The following MGLL variants were observed in gnomAD, a reference collection of about 807,000 sequenced individuals.
The protein encoded by MGLL is lysophospholipase homolog.
MGLL carries 7 observed loss-of-function variants against 29.1 expected under a neutral mutation model. The ratio of observed to expected loss-of-function variants is 0.24; its 90% CI spans 0.14 to 0.45. MGLL has a LOEUF of 0.45. Among genes scored for constraint, MGLL ranks in the 20% least tolerant of loss-of-function variants. MGLL has a pLI of 0.99. For missense variants in MGLL, 356 were observed against 413.6 expected (o/e 0.86, Z 1.21); for synonymous variants, 148 against 168.3 (o/e 0.88, Z 0.93).
At chr3:127,789,646 C>T (rs1379826875) in intron 2 of MGLL, among the ~76,000 whole-genome samples, 1 of 151,730 alleles carries the variant, frequency 6.6e-6, no homozygotes, top group Admixed American at 6.6e-5. Context: ...TACAGTGAGT[C>T]ATGATCACGC....
chr3:127,702,768 C>G (rs1267016875), intron 6 of MGLL, among the ~76,000 whole-genome samples: 1 of 152,208 alleles, frequency 6.6e-6, no homozygotes, highest in Non-Finnish European at 1.5e-5. Context: ...GATCTTGGCT[C>G]ACTGCAACCT....
At chr3:127,810,199 G>A (rs1021092077) in intron 2 of MGLL, among the ~76,000 whole-genome samples, 1 of 152,202 alleles carries the variant, frequency 6.6e-6, no homozygotes, top group African/African-American at 2.4e-5. Flanking sequence ...GGCTTCAGGA[G>A]AAATCAACCC....
At chr3:127,723,355 G>A (rs773156350) in intron 3 of MGLL, among the ~76,000 whole-genome samples, 8 of 152,248 alleles carry the variant, frequency 5.3e-5, no homozygotes, top group Non-Finnish European at 1.0e-4. Context: ...CAGCCAGAGG[G>A]GCTGCCCAGA....
At chr3:127,715,840 G>A (rs1283968546) in intron 5 of MGLL, 3 of 456,482 alleles carry the variant, frequency 6.6e-6, no homozygotes, top group Middle Eastern at 3.3e-4. Context: ...AGCCTCAGAG[G>A]GGAGTTGCTC....
chr3:127,758,520 A>C (rs2076703387), intron 3 of MGLL, among the ~76,000 whole-genome samples: 1 of 152,220 alleles, frequency 6.6e-6, no homozygotes, highest in Non-Finnish European at 1.5e-5. Flanking sequence ...GAAGTTTTTC[A>C]AGCTAGACAG....
At chr3:127,779,345 C>T (rs913184725) in intron 3 of MGLL, among the ~76,000 whole-genome samples, 3 of 151,742 alleles carry the variant, frequency 2.0e-5, no homozygotes, top group African/African-American at 4.8e-5. Flanking sequence ...CCAGCCTGGG[C>T]GACAGAGCAA....
rs777335310 is a variant in MGLL at position 127,694,990 on chromosome 3, C to T, written c.801G>A (p.Gln267=). ...AYLLMELAKS[Q]DKTLKIYEGA... is the part of the protein sequence containing the mutation. ...AGCCGCTCACCTTGAGAGTCTTGTC[C>T]TGGCTCTTGGCTAACTCCATGAGCA... Residue 267 remains glutamine (Q), a synonymous_variant, in exon 7 of 8, where the codon CAG becomes CAA. Transcript: ENST00000265052. 4.3e-6 allele frequency: 7 copies of T among 1,613,776 alleles called. No individual in the cohort carries two copies. Among genetic ancestry groups the T allele is most frequent in the Middle Eastern group, 3.3e-4 (2 of 6,074 alleles).
intron 3 of MGLL, among the ~76,000 whole-genome samples, chr3:127,770,844 G>T (rs1014458358): frequency 6.6e-6 from 1 of 152,082 alleles, no homozygotes; most frequent in Admixed American, 6.6e-5. Context: ...GAGTGCCAAG[G>T]GTCACAGGCT....
intron 6 of MGLL, among the ~76,000 whole-genome samples, chr3:127,696,404 T>C (rs1379425002): frequency 1.6e-5 from 1 of 60,816 alleles, no homozygotes; most frequent in African/African-American, 1.7e-4. Flanking sequence ...TTCTTTTTTT[T>C]TTTTTTTTTT....
chr3:127,802,994 T>G (rs1009150019), intron 2 of MGLL, among the ~76,000 whole-genome samples: 9 of 152,092 alleles, frequency 5.9e-5, no homozygotes, highest in Admixed American at 4.6e-4. Context: ...CTCTTTTTTT[T>G]TTTTAGACAG....
intron 3 of MGLL, among the ~76,000 whole-genome samples, chr3:127,775,584 G>C (rs982466178): frequency 4.0e-5 from 6 of 151,848 alleles, no homozygotes; most frequent in African/African-American, 1.5e-4. Flanking sequence ...CCCCAGCTGA[G>C]TTAAAAAAAA....
chr3:127,747,994 T>C (rs1382198826), intron 3 of MGLL, among the ~76,000 whole-genome samples: 1 of 152,102 alleles, frequency 6.6e-6, no homozygotes, highest in Non-Finnish European at 1.5e-5. Context: ...TGCTCTCTCT[T>C]CCCAAGTCCA....
At position 127,698,878 on chromosome 3, in the gene MGLL, C is replaced by T. The variant is rs1014094032; in HGVS notation, c.601-3688G>A. Among the ~76,000 whole-genome samples, 34 of 152,244 alleles carry T rather than the reference C, an allele frequency of 2.2e-4. 1 individual carries two copies. Among genetic ancestry groups the T allele is most frequent in the Non-Finnish European group, 1.6e-4 (11 of 68,050 alleles). On this transcript the variant is annotated intron_variant, in intron 6 of 7. Transcript: ENST00000265052. ...GCACAGTCTCTCACACCGCCACCTT[C>T]CTGTTTGGCTCACCATGGCTCCCAC...
At position 127,722,476 on chromosome 3, in the gene MGLL, T is replaced by G. The variant is rs545496742; in HGVS notation, c.353A>C (p.Gln118Pro). Residue 118 changes from glutamine (Q) to proline (P), a missense_variant, in exon 4 of 8, where the codon CAG becomes CCG. Physicochemically the swap from Gln to Pro is moderately conservative, Grantham distance 76. Coordinates refer to ENST00000265052, the MANE Select transcript of MGLL (RefSeq NM_007283.7). ...GACAGGAAGCCCAGGGTAGTCTTTC[T>G]GCATGGAATCCACATGCTGCAACAC... ...RDVLQHVDSM[Q>P]KDYPGLPVFL... 1 of 1,614,246 alleles carries G rather than the reference T, an allele frequency of 6.2e-7. No individual in the cohort carries two copies. The highest frequency in any genetic ancestry group is 1.3e-5 in the African/African-American group (1 of 75,072).
intron 7 of MGLL, 28 bp downstream of exon 7, chr3:127,694,947 G>A (rs767230491): frequency 6.2e-7 from 1 of 1,608,024 alleles, no homozygotes; most frequent in African/African-American, 1.3e-5. Flanking sequence ...CCACCTTGGG[G>A]GGAAGTGGGC....
chr3:127,791,507 C>T (rs762081461), intron 2 of MGLL, among the ~76,000 whole-genome samples: 1 of 152,166 alleles, frequency 6.6e-6, no homozygotes, highest in Non-Finnish European at 1.5e-5. Flanking sequence ...CCCCCTACCC[C>T]GACCCCTACC....
intron 3 of MGLL, among the ~76,000 whole-genome samples, chr3:127,731,878 A>G (rs1221948709): frequency 1.3e-5 from 2 of 152,220 alleles, no homozygotes; most frequent in African/African-American, 2.4e-5. Flanking sequence ...ACCATATCCA[A>G]TTAAAACAGA....
chr3:127,790,847 CT>C (rs2107722279), intron 2 of MGLL, among the ~76,000 whole-genome samples: 1 of 152,278 alleles, frequency 6.6e-6, no homozygotes, highest in South Asian at 2.1e-4. Flanking sequence ...CTGGGGGACC[CT>C]AGTCTAGGAG....
intron 3 of MGLL, among the ~76,000 whole-genome samples, chr3:127,724,346 G>A (rs577527333): frequency 6.6e-6 from 1 of 152,270 alleles, no homozygotes; most frequent in South Asian, 2.1e-4. Context: ...ATTTAATGTA[G>A]CACAGTGTCT....
Sources: allele counts gnomAD v4.1 joint callset (sites outside exome capture counted in the v4.1 genomes callset), GRCh38; gene constraint gnomAD v4.1.1; transcripts MANE v1.5; gene names NCBI Gene and HGNC (gene_info 2026-07-23, HGNC 2026-07-21).